The following RPS6KA2 variants were observed in gnomAD, a reference collection of about 807,000 sequenced individuals.
RPS6KA2 encodes ribosomal protein S6 kinase alpha-2.
A neutral mutation model predicts 91.8 loss-of-function variants in RPS6KA2; 42 were observed. The ratio of observed to expected loss-of-function variants is 0.46; its 90% CI spans 0.36 to 0.59. The LOEUF is 0.59. RPS6KA2 is among the 20% of genes least tolerant of loss of function. The pLI, the probability that RPS6KA2 is intolerant of heterozygous loss-of-function variation, is 0.00. For synonymous variants in RPS6KA2, 414 were observed against 393.6 expected (o/e 1.05, Z -0.61); for missense variants, 798 against 978.5 (o/e 0.82, Z 2.46).
intron 2 of RPS6KA2, among the ~76,000 whole-genome samples, chr6:166,656,369 C>T (rs1434917118): frequency 6.6e-6 from 1 of 152,182 alleles, no homozygotes; most frequent in Non-Finnish European, 1.5e-5. Context: ...ATGCTCTTCG[C>T]CCCAACCCAA....
chr6:166,609,523 TTGA>T (rs1786084221), intron 1 of RPS6KA2, among the ~76,000 whole-genome samples: 2 of 149,906 alleles, frequency 1.3e-5, no homozygotes, highest in South Asian at 4.2e-4. Context: ...TTTTTTTTTT[TTGA>T]GACAGAGTTT....
intron 2 of RPS6KA2, among the ~76,000 whole-genome samples, chr6:166,682,903 C>T (rs951451674): frequency 1.3e-5 from 2 of 152,174 alleles, no homozygotes; most frequent in Non-Finnish European, 2.9e-5. Flanking sequence ...CATGTGGGTT[C>T]CAGCTTTATA....
At chr6:166,694,120 C>A (rs1022550141) in intron 2 of RPS6KA2, among the ~76,000 whole-genome samples, 8 of 152,224 alleles carry the variant, frequency 5.3e-5, no homozygotes, top group African/African-American at 2.4e-5. Context: ...CTTATATCTC[C>A]AAAGGGCTGG....
At chr6:166,482,176 A>G (rs1033805256) in intron 10 of RPS6KA2, among the ~76,000 whole-genome samples, 5 of 152,364 alleles carry the variant, frequency 3.3e-5, no homozygotes, top group African/African-American at 9.6e-5. Context: ...TCGATCTTAA[A>G]GTATGTGCTG....
intron 1 of RPS6KA2, among the ~76,000 whole-genome samples, chr6:166,587,458 C>A (rs1229129719): frequency 6.6e-6 from 1 of 152,164 alleles, no homozygotes; most frequent in African/African-American, 2.4e-5. Flanking sequence ...ATGAGGGGGT[C>A]CTACCTGGAT....
rs1159843584 is a variant in RPS6KA2, at chr6:166,648,509, A to G, written c.124-109725T>C. On this transcript the variant is annotated intron_variant, in intron 2 of 21. Coordinates refer to the RPS6KA2 transcript ENST00000503859. This position sits in a 1 kb window ranked among gnomAD's most constrained non-coding sequence, Gnocchi z 4.8. ...CTCATTTGACAAACAGGCAGCTGGC[A>G]CGGGAAGGGGACGGGCATTTAATAA... 6.6e-6 allele frequency among the ~76,000 whole-genome samples: 1 copy of G among 152,228 alleles called. No individual in the cohort carries two copies. Among genetic ancestry groups the G allele is most frequent in the African/African-American group, 2.4e-5 (1 of 41,452 alleles).
chr6:166,490,770 T>G lies in RPS6KA2; in HGVS notation c.748-29A>C, dbSNP rs920150174. ...CAGAGCAACACAGAGCACAGTGAGT[T>G]CATTCATCCAGATGGACCCGGCTTC... On this transcript the variant is annotated intron_variant, in intron 8 of 20. Coordinates refer to ENST00000265678, the MANE Select transcript of RPS6KA2 (RefSeq NM_021135.6). The surrounding 1 kb of genome is among the most constrained non-coding windows in gnomAD (Gnocchi z 4.2). 1.3e-6 allele frequency: 2 copies of G among 1,578,714 alleles called. No homozygotes were observed. Among genetic ancestry groups the G allele is most frequent in the African/African-American group, 2.7e-5 (2 of 74,034 alleles).
chr6:166,621,282 C>T (rs1357677204), intron 1 of RPS6KA2, among the ~76,000 whole-genome samples: 2 of 152,210 alleles, frequency 1.3e-5, no homozygotes, highest in African/African-American at 4.8e-5. Context: ...TGTATGGTTA[C>T]GCACATTTGT....
At chr6:166,729,283 A>C (rs116801273) in intron 2 of RPS6KA2, among the ~76,000 whole-genome samples, 1 of 152,240 alleles carries the variant, frequency 6.6e-6, no homozygotes, top group Admixed American at 6.5e-5. Flanking sequence ...ACACTGCCTC[A>C]GGCAAACAGA....
intron 2 of RPS6KA2, among the ~76,000 whole-genome samples, chr6:166,532,426 A>C (rs1783314001): frequency 1.3e-5 from 2 of 152,284 alleles, no homozygotes; most frequent in Middle Eastern, 6.8e-3. Context: ...TCTATTCTAG[A>C]GGCACAAATA....
chr6:166,664,716 T>C (rs1488404865), intron 2 of RPS6KA2, among the ~76,000 whole-genome samples: 1 of 152,254 alleles, frequency 6.6e-6, no homozygotes, highest in East Asian at 1.9e-4. Flanking sequence ...TTCAGTTTTA[T>C]ACATTATATA....
intron 2 of RPS6KA2, among the ~76,000 whole-genome samples, chr6:166,771,471 A>G (rs1349028526): frequency 6.6e-6 from 1 of 152,100 alleles, no homozygotes; most frequent in Non-Finnish European, 1.5e-5. Context: ...TTTGGCCAGC[A>G]TGGTTTGGAG....
intron 2 of RPS6KA2, among the ~76,000 whole-genome samples, chr6:166,807,962 C>G (rs1419517990): frequency 6.6e-6 from 1 of 152,022 alleles, no homozygotes; most frequent in East Asian, 1.9e-4. Context: ...GTGCAGAGCT[C>G]CCACCGCTGC....
At chr6:166,793,824 C>T (rs931055685) in intron 2 of RPS6KA2, among the ~76,000 whole-genome samples, 5 of 152,008 alleles carry the variant, frequency 3.3e-5, no homozygotes, top group Admixed American at 1.3e-4. Context: ...AAACTGGATC[C>T]CTTCCTTACA....
intron 1 of RPS6KA2, among the ~76,000 whole-genome samples, chr6:166,550,893 C>T (rs1239512042): frequency 3.3e-5 from 5 of 149,794 alleles, no homozygotes; most frequent in African/African-American, 9.8e-5. Context: ...CCCAGCTACT[C>T]GGGAGGCTGA....
At chr6:166,525,768 A>G (rs1011799772) in intron 3 of RPS6KA2, among the ~76,000 whole-genome samples, 2 of 152,206 alleles carry the variant, frequency 1.3e-5, no homozygotes, top group African/African-American at 4.8e-5. Context: ...CAGCAGGTGG[A>G]GAGCATCCCT....
At chr6:166,472,186 G>A (rs1780798496) in intron 10 of RPS6KA2, among the ~76,000 whole-genome samples, 2 of 152,324 alleles carry the variant, frequency 1.3e-5, no homozygotes, top group South Asian at 4.1e-4. Context: ...CTGGAGATTG[G>A]AACAAACAGT....
At chr6:166,754,345 A>G (rs868198127) in intron 2 of RPS6KA2, among the ~76,000 whole-genome samples, 2 of 152,332 alleles carry the variant, frequency 1.3e-5, no homozygotes, top group African/African-American at 4.8e-5. Context: ...CCTGGGGACC[A>G]CTCAGGGATG....
At chr6:166,706,672 G>A (rs1031261047) in intron 2 of RPS6KA2, among the ~76,000 whole-genome samples, 4 of 152,198 alleles carry the variant, frequency 2.6e-5, no homozygotes, top group African/African-American at 9.7e-5. Context: ...CAGGCAAGGG[G>A]ACAGCTAGTT....
Sources: allele counts gnomAD v4.1 joint callset (sites outside exome capture counted in the v4.1 genomes callset), GRCh38; gene constraint gnomAD v4.1.1; non-coding constraint Gnocchi (gnomAD v3.1); transcripts MANE v1.5; gene names NCBI Gene and HGNC (gene_info 2026-07-23, HGNC 2026-07-21).